The following TMEM45A variants were observed in gnomAD, a reference collection of about 807,000 sequenced individuals.
TMEM45A encodes the protein transmembrane protein 45A.
In TMEM45A, 25 loss-of-function variants were observed where a neutral mutation model predicts 32.0. The observed-to-expected ratio is 0.78, with a 90% CI of 0.57 to 1.09. The LOEUF (loss-of-function observed/expected upper bound fraction) is 1.09, where lower values mean the gene tolerates loss of function less well. Among genes scored for constraint, TMEM45A ranks in the 50% least tolerant of loss-of-function variants. TMEM45A has a pLI of 0.00. For missense variants in TMEM45A, 302 were observed against 325.0 expected (o/e 0.93, Z 0.54); for synonymous variants, 122 against 114.8 (o/e 1.06, Z -0.40).
intron 1 of TMEM45A, among the ~76,000 whole-genome samples, chr3:100,554,174 C>CTT (rs531566153): frequency 1.4e-5 from 2 of 141,918 alleles, no homozygotes; most frequent in African/African-American, 5.2e-5. Flanking sequence ...TCACATAATT[C>CTT]TTTTTTTTTT....
intron 1 of TMEM45A, among the ~76,000 whole-genome samples, chr3:100,526,075 C>T (rs1705538747): frequency 6.6e-6 from 1 of 152,196 alleles, no homozygotes; most frequent in Non-Finnish European, 1.5e-5. Flanking sequence ...TAACCAGTTT[C>T]CTTGCCTCCA....
chr3:100,546,747 T>C (rs1705986685), intron 1 of TMEM45A, among the ~76,000 whole-genome samples: 1 of 152,216 alleles, frequency 6.6e-6, no homozygotes, highest in Non-Finnish European at 1.5e-5. Flanking sequence ...CCCTATGTTA[T>C]TTAACCTACT....
At chr3:100,513,569 A>G (rs1205386183) in intron 1 of TMEM45A, among the ~76,000 whole-genome samples, 1 of 150,784 alleles carries the variant, frequency 6.6e-6, no homozygotes, top group South Asian at 2.1e-4. Context: ...CAGGCACAAG[A>G]CAGTGATGCC....
chr3:100,577,059 T>A lies in TMEM45A; in HGVS notation c.*41T>A. On this transcript the variant is annotated 3_prime_UTR_variant, in exon 6 of 6. Transcript: ENST00000323523. ...AGTTTTTCTAGATAAACCTTTTCTT[T>A]TTTACATTGTTCTTGGTTTTGTTTC... is the stretch of plus-strand genomic sequence containing the variant. 1 of 1,433,202 alleles carries A rather than the reference T, an allele frequency of 7.0e-7. No individual in the cohort carries two copies. 88.8% of individuals were successfully genotyped at this position (1,433,202 alleles called of 1,614,324 possible).
chr3:100,528,660 A>C (rs958445796), intron 1 of TMEM45A, among the ~76,000 whole-genome samples: 4 of 152,182 alleles, frequency 2.6e-5, no homozygotes, highest in African/African-American at 9.7e-5. Context: ...GGAGATTGGA[A>C]TTTAGCTGCT....
At position 100,532,975 on chromosome 3, in the gene TMEM45A, T is replaced by C. The variant is rs113800549; in HGVS notation, c.-3-22234T>C. ...CAGTCTTGGTTCTGTGACAACACTA[T>C]TGTGAGTTGCATTATAATCCCTATG... On this transcript the variant is annotated intron_variant, in intron 1 of 5. Coordinates refer to ENST00000323523, the MANE Select transcript of TMEM45A (RefSeq NM_018004.3). Among the ~76,000 whole-genome samples, 635 of 152,310 alleles carry C rather than the reference T, an allele frequency of 4.2e-3. 4 individuals are homozygous for C. Among genetic ancestry groups the C allele is most frequent in the African/African-American group, 0.015 (610 of 41,568 alleles).
intron 1 of TMEM45A, among the ~76,000 whole-genome samples, chr3:100,525,407 C>A (rs1337647383): frequency 6.6e-6 from 1 of 152,132 alleles, no homozygotes; most frequent in Non-Finnish European, 1.5e-5. Flanking sequence ...TGTTGGGCAG[C>A]ACTTTGTGGA....
At chr3:100,548,757 G>A (rs561382433) in intron 1 of TMEM45A, among the ~76,000 whole-genome samples, 1 of 152,316 alleles carries the variant, frequency 6.6e-6, no homozygotes, top group East Asian at 1.9e-4. Context: ...TGTCTATTCT[G>A]CAGTGGGTGC....
Position 100,492,678 on chromosome 3 carries a change from C to CCCACGT in TMEM45A, c.-251_-246dup, listed in dbSNP as rs1707863058. On this transcript the variant is annotated 5_prime_UTR_variant, in exon 1 of 6. Coordinates refer to ENST00000323523, the MANE Select transcript of TMEM45A (RefSeq NM_018004.3). ...GGGCCGACGTCAGCCGAGCACGTCC[C>CCCACGT]CCACGTCCTCTCCTTCTCGCCACTT... 1 of 152,238 alleles carries CCCACGT rather than the reference C, an allele frequency of 6.6e-6. No individual in the cohort carries two copies. The highest frequency in any genetic ancestry group is 6.5e-5 in the Admixed American group (1 of 15,282). The allele number at this position is 152,238 out of a possible 1,614,324, so 9.4% of individuals were successfully genotyped here.
chr3:100,533,415 G>T lies in TMEM45A; in HGVS notation c.-3-21794G>T, dbSNP rs148401015. On this transcript the variant is annotated intron_variant, in intron 1 of 5. Transcript: ENST00000323523. ...GCTAAGCCTTGATCACTATCAGATG[G>T]CTCTTAGCATTCCTCACGTCTGCAC... Among the ~76,000 whole-genome samples, 480 of 152,144 alleles carry T rather than the reference G, an allele frequency of 3.2e-3. 4 individuals carry two copies. Among genetic ancestry groups the T allele is most frequent in the Non-Finnish European group, 5.1e-3 (350 of 67,994 alleles).
intron 5 of TMEM45A, among the ~76,000 whole-genome samples, chr3:100,576,494 C>T (rs59488617): frequency 0.058 from 8,822 of 151,348 alleles, 851 homozygotes; most frequent in African/African-American, 0.2. Context: ...ATGATACATG[C>T]CTCTAATTCC....
intron 1 of TMEM45A, among the ~76,000 whole-genome samples, chr3:100,513,543 G>A (rs1350749279): frequency 1.3e-5 from 2 of 150,900 alleles, no homozygotes; most frequent in Non-Finnish European, 2.9e-5. Context: ...AAAACTGGAA[G>A]CATTCCCTTT....
At chr3:100,498,851 G>A (rs1400391832) in intron 1 of TMEM45A, among the ~76,000 whole-genome samples, 2 of 152,224 alleles carry the variant, frequency 1.3e-5, no homozygotes, top group Non-Finnish European at 2.9e-5. Flanking sequence ...CAGTACACAA[G>A]GGTCTCAATT....
chr3:100,576,452 G>A (rs898178036), intron 5 of TMEM45A, among the ~76,000 whole-genome samples: 6 of 151,202 alleles, frequency 4.0e-5, no homozygotes, highest in South Asian at 2.1e-4. Flanking sequence ...GCAAAACTCC[G>A]TTTAAAAAAA....
intron 1 of TMEM45A, among the ~76,000 whole-genome samples, chr3:100,512,461 G>A (rs1438587628): frequency 2.6e-5 from 4 of 152,150 alleles, no homozygotes; most frequent in Non-Finnish European, 2.9e-5. Context: ...AATCTCTGGG[G>A]CACATTCAAA....
At chr3:100,495,837 C>T (rs1293415281) in intron 1 of TMEM45A, among the ~76,000 whole-genome samples, 2 of 152,082 alleles carry the variant, frequency 1.3e-5, no homozygotes, top group Admixed American at 1.3e-4. Flanking sequence ...CAGGCCATGC[C>T]CTAAAATCTT....
intron 1 of TMEM45A, among the ~76,000 whole-genome samples, chr3:100,550,976 CT>C (rs1706086158): frequency 6.9e-6 from 1 of 145,148 alleles, no homozygotes; most frequent in Non-Finnish European, 1.5e-5. Flanking sequence ...ATGATGAAAT[CT>C]TTCAGTCCGT....
intron 1 of TMEM45A, among the ~76,000 whole-genome samples, chr3:100,526,237 T>G (rs1389231522): frequency 6.6e-6 from 1 of 152,192 alleles, no homozygotes; most frequent in Non-Finnish European, 1.5e-5. Flanking sequence ...CTTTTCACCT[T>G]TACCTTTTCC....
intron 1 of TMEM45A, among the ~76,000 whole-genome samples, chr3:100,544,155 C>T (rs1366565961): frequency 1.3e-5 from 2 of 151,710 alleles, no homozygotes; most frequent in African/African-American, 2.4e-5. Flanking sequence ...TTCCATCTCA[C>T]ATAAAATAAG....
Sources: gnomAD v4.1 joint callset for allele counts (sites outside exome capture counted in the v4.1 genomes callset) on GRCh38, gnomAD v4.1.1 for gene constraint, MANE v1.5 for transcripts, NCBI Gene and HGNC (gene_info 2026-07-23, HGNC 2026-07-21) for gene names.